FOSB: variants seen among roughly 807,000 people sequenced by gnomAD.
The protein encoded by FOSB is FosB proto-oncogene, AP-1 transcription factor subunit.
A neutral mutation model predicts 31.1 loss-of-function variants in FOSB; 8 were observed. That is an observed-to-expected ratio of 0.26 (90% CI 0.15 to 0.46). The LOEUF is 0.46. FOSB is among the 20% of genes least tolerant of loss of function. The probability of loss-of-function intolerance (pLI) is 0.99; values close to 1 mark genes in which losing one functional copy is unlikely to be tolerated. For synonymous variants in FOSB, 214 were observed against 206.1 expected (o/e 1.04, Z -0.33); for missense variants, 376 against 460.6 (o/e 0.82, Z 1.68).
chr19:45,469,223 A>T (rs1327823481), intron 1 of FOSB, among the ~76,000 whole-genome samples: 3 of 152,158 alleles, frequency 2.0e-5, no homozygotes. Context: ...CGGAGACGTA[A>T]CGGGGGACCC....
At position 45,468,622 on chromosome 19, in the gene FOSB, C is replaced by G. The variant is rs1967500244; in HGVS notation, c.36C>G (p.Gly12=). 1 of 1,613,504 alleles carries G rather than the reference C, an allele frequency of 6.2e-7. No homozygotes were observed. The highest frequency in any genetic ancestry group is 1.1e-5 in the South Asian group (1 of 91,020). The change falls in exon 1 of 4, where the codon GGC becomes GGG. Residue 12 remains glycine (G), a synonymous_variant. Transcript: ENST00000353609. The surrounding 1 kb of genome is among the most constrained non-coding windows in gnomAD (Gnocchi z 4.8). ...CTTTCCCCGGAGACTACGACTCCGGCTCCCGGTGCAGCTCCTCACCCTCTG... is the reference window on the plus strand; with the variant it reads ...CTTTCCCCGGAGACTACGACTCCGGGTCCCGGTGCAGCTCCTCACCCTCTG... ...FQAFPGDYDS[G]SRCSSSPSAE... is the part of the protein sequence containing the mutation.
intron 1 of FOSB, among the ~76,000 whole-genome samples, chr19:45,469,160 C>A (rs1967528371): frequency 2.0e-5 from 3 of 152,254 alleles, no homozygotes. Context: ...CGCCCTCCAC[C>A]CATCGGGAAG....
chr19:45,469,243 G>T (rs1318162151), intron 1 of FOSB, among the ~76,000 whole-genome samples: 1 of 152,228 alleles, frequency 6.6e-6, no homozygotes, highest in Non-Finnish European at 1.5e-5. Flanking sequence ...CGTGCGTAAC[G>T]GCTGACGCGC....
Position 45,473,236 on chromosome 19 carries a change from G to T in FOSB, c.*224G>T. On this transcript the variant is annotated 3_prime_UTR_variant, in exon 4 of 4. Transcript: ENST00000353609. ...TTCTGTGCCCCGGCGAGGCCGGAGAGCTGGTGACTTTGGGGACAGGGGGTG... is the reference window on the plus strand; with the variant it reads ...TTCTGTGCCCCGGCGAGGCCGGAGATCTGGTGACTTTGGGGACAGGGGGTG... 1.8e-6 allele frequency: 1 copy of T among 561,790 alleles called. No individual in the cohort carries two copies. Among genetic ancestry groups the T allele is most frequent in the Non-Finnish European group, 3.1e-6 (1 of 318,552 alleles). The allele number at this position is 561,790 out of a possible 1,614,324, so 34.8% of individuals were successfully genotyped here.
Position 45,473,078 on chromosome 19 carries a change from G to A in FOSB, c.*66G>A, listed in dbSNP as rs1194788535. The A allele has an allele frequency of 6.2e-6, 9 of 1,443,868 alleles. No homozygotes were observed. The highest frequency in any genetic ancestry group is 4.2e-5 in the African/African-American group (3 of 71,848). The allele number at this position is 1,443,868 out of a possible 1,614,324, so 89.4% of individuals were successfully genotyped here. On this transcript the variant is annotated 3_prime_UTR_variant, in exon 4 of 4. Coordinates refer to ENST00000353609, the MANE Select transcript of FOSB (RefSeq NM_006732.3). The stretch of plus-strand genomic sequence containing the variant: ...GAGACTTGGAAGAGGAGGAGGAGGA[G>A]GAGAAGGAGGAGAGAGAGGGGAAGA...
At position 45,473,128 on chromosome 19, in the gene FOSB, T is replaced by C; in HGVS notation, c.*116T>C. 3.2e-6 allele frequency: 3 copies of C among 928,348 alleles called. No individual in the cohort carries two copies. Among genetic ancestry groups the C allele is most frequent in the Non-Finnish European group, 4.9e-6 (3 of 609,266 alleles). 57.5% of individuals were successfully genotyped at this position (928,348 alleles called of 1,614,324 possible). ...AGACAAAGTGGGTGTGTGGCCTCCC[T>C]GGCTCCTCCGTCTGACCCTCTGCGG... On this transcript the variant is annotated 3_prime_UTR_variant, in exon 4 of 4. Transcript: ENST00000353609.
At position 45,473,263 on chromosome 19, in the gene FOSB, G is replaced by A. The variant is rs28381253; in HGVS notation, c.*251G>A. ...TGGTGACTTTGGGGACAGGGGGTGG[G>A]AAGGGGATGGACACCCCCAGCTGAC... On this transcript the variant is annotated 3_prime_UTR_variant, in exon 4 of 4. Transcript: ENST00000353609. 6.1e-5 allele frequency: 22 copies of A among 362,334 alleles called. No homozygotes were observed. In the East Asian group the frequency reaches 1.4e-3, roughly 23 times the overall value. 22.4% of individuals were successfully genotyped at this position (362,334 alleles called of 1,614,324 possible). A position where few individuals can be genotyped will look rare whatever the true frequency, so the allele number is the denominator to read the frequency against.
chr19:45,470,919 A>C lies in FOSB; in HGVS notation c.417A>C (p.Arg139=). Residue 139 remains arginine, a synonymous_variant, in exon 2 of 4, where the codon CGA becomes CGC. Coordinates refer to ENST00000353609, the MANE Select transcript of FOSB (RefSeq NM_006732.3). The part of the protein sequence containing the change: ...TSGPGPARPA[R]ARPRRPREET... The stretch of plus-strand genomic sequence containing the variant: ...GGCCTGGGCCTGCCCGCCCAGCCCG[A>C]GCCCGGCCTAGGAGACCCCGAGAGG... 6.2e-7 allele frequency: 1 copy of C among 1,612,982 alleles called. No homozygotes were observed. The highest frequency in any genetic ancestry group is 8.5e-7 in the Non-Finnish European group (1 of 1,179,966).
At chr19:45,469,506 C>T (rs1439922877) in intron 1 of FOSB, among the ~76,000 whole-genome samples, 1 of 152,198 alleles carries the variant, frequency 6.6e-6, no homozygotes, top group Non-Finnish European at 1.5e-5. Flanking sequence ...GGCTGGGTCT[C>T]TTTTCGGCGC....
Position 45,470,490 on chromosome 19 carries a change from T to C in FOSB, c.127-139T>C, listed in dbSNP as rs28381244. On this transcript the variant is annotated intron_variant, in intron 1 of 3. Transcript: ENST00000353609. ...GTGGAAGGGTGGGTGTTGTGGCTTT[T>C]TCCCTGTGACACACACATCCACACT... 3.8e-3 allele frequency: 3,220 copies of C among 847,362 alleles called. 63 individuals are homozygous for C. The African/African-American group carries it at 0.049, about 13-fold the overall frequency. The allele number at this position is 847,362 out of a possible 1,614,324, so 52.5% of individuals were successfully genotyped here. A position where few individuals can be genotyped will look rare whatever the true frequency, so the allele number is the denominator to read the frequency against.
At position 45,473,666 on chromosome 19, in the gene FOSB, T is replaced by A. The variant is rs926430616; in HGVS notation, c.*654T>A. On this transcript the variant is annotated 3_prime_UTR_variant, in exon 4 of 4. Transcript: ENST00000353609. ...CCCGACTTCTTTTGAAATGTGAACG[T>A]CCTTCCTTGACTGTCTAGCCACTCC... The A allele has an allele frequency of 7.5e-6, 1 of 132,574 alleles. No individual in the cohort carries two copies. Among genetic ancestry groups the A allele is most frequent in the African/African-American group, 2.9e-5 (1 of 34,070 alleles). 8.2% of individuals were successfully genotyped at this position (132,574 alleles called of 1,614,324 possible).
At position 45,472,879 on chromosome 19, in the gene FOSB, T is replaced by C. The variant is rs1967730313; in HGVS notation, c.884T>C (p.Val295Ala). ...EVQVLGDPFP[V>A]VNPSYTSSFV... ...CAAGTCCTCGGCGACCCCTTCCCCG[T>C]TGTTAACCCTTCGTACACTTCTTCG... Residue 295 changes from valine (V) to alanine (A), a missense_variant, in exon 4 of 4, where the codon GTT becomes GCT. Transcript: ENST00000353609. This position sits in a 1 kb window ranked among gnomAD's most constrained non-coding sequence, Gnocchi z 5.4. 3 of 1,614,098 alleles carry C rather than the reference T, an allele frequency of 1.9e-6. No individual in the cohort carries two copies.
chr19:45,468,198 C>A lies in FOSB; in HGVS notation c.-389C>A. ...TTACTTTTTTTGGTCTTCTTTATTACTCCCCTCCCCCCGTGGGACCCGCCG... is the reference window on the plus strand; with the variant it reads ...TTACTTTTTTTGGTCTTCTTTATTAATCCCCTCCCCCCGTGGGACCCGCCG... On this transcript the variant is annotated 5_prime_UTR_variant, in exon 1 of 4. Coordinates refer to ENST00000353609, the MANE Select transcript of FOSB (RefSeq NM_006732.3). The surrounding 1 kb of genome is among the most constrained non-coding windows in gnomAD (Gnocchi z 4.8). 1.8e-5 allele frequency: 3 copies of A among 169,788 alleles called. No individual in the cohort carries two copies. The highest frequency in any genetic ancestry group is 2.5e-5 in the Non-Finnish European group (2 of 80,332). 10.5% of individuals were successfully genotyped at this position (169,788 alleles called of 1,614,324 possible).
rs1342629980 is a variant in FOSB at position 45,468,883 on chromosome 19, TG to T, written c.126+173del. On this transcript the variant is annotated intron_variant, in intron 1 of 3. Coordinates refer to ENST00000353609, the MANE Select transcript of FOSB (RefSeq NM_006732.3). This position sits in a 1 kb window ranked among gnomAD's most constrained non-coding sequence, Gnocchi z 4.8. ...CAAAGAGTCGGGAGATGTTTGCAATTGGTTGCGTGCGTGGAGCGCAAGGAGG... is the reference window on the plus strand; with the variant it reads ...CAAAGAGTCGGGAGATGTTTGCAATTGTTGCGTGCGTGGAGCGCAAGGAGG... Among the ~76,000 whole-genome samples, 1 of 151,540 alleles carries T rather than the reference TG, an allele frequency of 6.6e-6. No homozygotes were observed. Among genetic ancestry groups the T allele is most frequent in the African/African-American group, 2.4e-5 (1 of 41,178 alleles).
At chr19:45,471,589 C>T (rs1967676880) in intron 3 of FOSB, 1 of 307,902 alleles carries the variant, frequency 3.2e-6, no homozygotes, top group Non-Finnish European at 6.2e-6. Context: ...GGGGCGCCCC[C>T]ATCATTTCTC....
rs540969173 is a variant in FOSB at position 45,474,087 on chromosome 19, C to A, written c.*1075C>A. 6.5e-6 allele frequency: 1 copy of A among 152,688 alleles called. No homozygotes were observed. The highest frequency in any genetic ancestry group is 2.4e-5 in the African/African-American group (1 of 41,516). The allele number at this position is 152,688 out of a possible 1,614,324, so 9.5% of individuals were successfully genotyped here. A position where few individuals can be genotyped will look rare whatever the true frequency, so the allele number is the denominator to read the frequency against. Reference sequence around the variant, plus strand: ...GAAGGGGGTGACAGTCCTCCATCCACGTGGCCTCTCTCTCTCTCCTCAGGA... The same window carrying A: ...GAAGGGGGTGACAGTCCTCCATCCAAGTGGCCTCTCTCTCTCTCCTCAGGA... On this transcript the variant is annotated 3_prime_UTR_variant, in exon 4 of 4. Coordinates refer to ENST00000353609, the MANE Select transcript of FOSB (RefSeq NM_006732.3).
rs767568106 is a variant in FOSB, at chr19:45,468,788, C to T, written c.126+76C>T. 7.7e-6 allele frequency: 11 copies of T among 1,435,058 alleles called. No individual in the cohort carries two copies. Among genetic ancestry groups the T allele is most frequent in the Admixed American group, 7.5e-5 (3 of 40,226 alleles). 88.9% of individuals were successfully genotyped at this position (1,435,058 alleles called of 1,614,324 possible). ...CAAGGGTGAAAAGAATAAACCCCAA[C>T]CCCCACAAAAAGGCGCATCAGAACC... On this transcript the variant is annotated intron_variant, in intron 1 of 3. Coordinates refer to ENST00000353609, the MANE Select transcript of FOSB (RefSeq NM_006732.3). The surrounding 1 kb of genome is among the most constrained non-coding windows in gnomAD (Gnocchi z 4.8).
chr19:45,471,434 T>G, intron 3 of FOSB, 133 bp downstream of exon 3: 1 of 662,938 alleles, frequency 1.5e-6, no homozygotes, highest in Non-Finnish European at 2.6e-6. Flanking sequence ...GGTACTGCTG[T>G]GGCCAGACTG....
rs369737369 is a variant in FOSB, at chr19:45,468,583, G to A, written c.-4G>A. On this transcript the variant is annotated 5_prime_UTR_variant, in exon 1 of 4. Transcript: ENST00000353609. The surrounding 1 kb of genome is among the most constrained non-coding windows in gnomAD (Gnocchi z 4.8). ...GTCACAGGGGCCCCCCTGTGCCCAG[G>A]GAAATGTTTCAGGCTTTCCCCGGAG... 46 of 1,609,166 alleles carry A rather than the reference G, an allele frequency of 2.9e-5. No homozygotes were observed. In the East Asian group the frequency reaches 8.3e-4, roughly 29 times the overall value.
Sources: allele counts gnomAD v4.1 joint callset (sites outside exome capture counted in the v4.1 genomes callset), GRCh38; gene constraint gnomAD v4.1.1; non-coding constraint Gnocchi (gnomAD v3.1); transcripts MANE v1.5; gene names NCBI Gene and HGNC (gene_info 2026-07-23, HGNC 2026-07-21).